Variants in FMN1 observed in about 807,000 individuals in gnomAD.
The protein encoded by FMN1 is formin-1.
In FMN1, 110 loss-of-function variants were observed where a neutral mutation model predicts 132.4. The ratio of observed to expected loss-of-function variants is 0.83; its 90% CI spans 0.71 to 0.97. The LOEUF (loss-of-function observed/expected upper bound fraction) is 0.97, where lower values mean the gene tolerates loss of function less well. FMN1 is among the 50% of genes least tolerant of loss of function. The pLI is 0.00. For synonymous variants in FMN1, 722 were observed against 651.7 expected, an observed-to-expected ratio of 1.11 and a Z score of -1.64; for missense variants, 1,792 against 1,705.3, an observed-to-expected ratio of 1.05 and a Z score of -0.90.
In FMN1 at chr15:32,900,123, G is replaced by A; in HGVS notation, c.3510C>T (p.Asp1170=). Residue 1170 remains aspartate, a splice_region_variant and synonymous_variant, in exon 14 of 21, where the codon GAC becomes GAT. Transcript: ENST00000616417. ...KVEIITRASK[D]LLHVKSVKDI... is the part of the protein sequence containing the mutation. ...CCTTCACGCTCTTCACGTGCAGCAA[G>A]TCCTGTGATGGCAAACACCAGTTAT... 3 of 1,613,680 alleles carry A rather than the reference G, an allele frequency of 1.9e-6. No homozygotes were observed. The highest frequency in any genetic ancestry group is 2.5e-6 in the Non-Finnish European group (3 of 1,179,858).
intron 7 of FMN1, among the ~76,000 whole-genome samples, chr15:32,995,945 A>T (rs2033743285): frequency 6.6e-6 from 1 of 152,228 alleles, no homozygotes; most frequent in African/African-American, 2.4e-5. Context: ...CTCATTGGAG[A>T]ATTAGATATA....
intron 17 of FMN1, among the ~76,000 whole-genome samples, chr15:32,823,167 T>TTTG (rs1567224910): frequency 1.3e-4 from 9 of 68,824 alleles, no homozygotes; most frequent in Admixed American, 1.1e-3. Context: ...TTTTTTTTTT[T>TTTG]TTTTTTTTTT....
At chr15:32,830,834 G>A (rs2058482977) in intron 17 of FMN1, among the ~76,000 whole-genome samples, 1 of 152,132 alleles carries the variant, frequency 6.6e-6, no homozygotes, top group Non-Finnish European at 1.5e-5. Flanking sequence ...GGAGCAGCGA[G>A]GGCCCTGGGG....
intron 5 of FMN1, among the ~76,000 whole-genome samples, chr15:33,071,277 CA>C (rs1322153111): frequency 6.6e-6 from 1 of 152,168 alleles, no homozygotes; most frequent in East Asian, 1.9e-4. Context: ...AAAGAAAAAT[CA>C]AGCAAAAATT....
chr15:32,808,000 T>C (rs1352995696), intron 17 of FMN1, among the ~76,000 whole-genome samples: 5 of 152,128 alleles, frequency 3.3e-5, no homozygotes, highest in Admixed American at 2.6e-4. Flanking sequence ...AAAACACAAA[T>C]ACATGACCTG....
At chr15:32,959,488 G>T in intron 9 of FMN1, among the ~76,000 whole-genome samples, 1 of 152,264 alleles carries the variant, frequency 6.6e-6, no homozygotes, top group East Asian at 1.9e-4. Context: ...AGGACACAAA[G>T]CTCACTGAAA....
At position 32,934,296 on chromosome 15, in the gene FMN1, T is replaced by C. The variant is rs1376482820; in HGVS notation, c.3139-8035A>G. ...CAAATTATATTTTTTCTATTGTGTA[T>C]CCATTAACGTATTTTTATAATTATA... On this transcript the variant is annotated intron_variant, in intron 9 of 20. Transcript: ENST00000616417. 2.6e-5 allele frequency among the ~76,000 whole-genome samples: 4 copies of C among 152,186 alleles called. No homozygotes were observed. In the East Asian group the frequency reaches 7.7e-4, roughly 29 times the overall value.
intron 17 of FMN1, among the ~76,000 whole-genome samples, chr15:32,856,454 G>A (rs924580570): frequency 6.6e-6 from 1 of 152,220 alleles, no homozygotes; most frequent in African/African-American, 2.4e-5. Flanking sequence ...CAAAGAAAGT[G>A]TGGAGTCTCA....
chr15:33,148,433 C>A (rs1964313982), intron 4 of FMN1, among the ~76,000 whole-genome samples: 2 of 152,224 alleles, frequency 1.3e-5, no homozygotes, highest in African/African-American at 4.8e-5. Flanking sequence ...CCCCATTTTT[C>A]TCAACCTGCT....
intron 10 of FMN1, among the ~76,000 whole-genome samples, chr15:32,911,789 G>A (rs1440023890): frequency 1.3e-5 from 2 of 152,068 alleles, no homozygotes; most frequent in African/African-American, 4.8e-5. Context: ...AGTCACCTCA[G>A]ATTCCACCAA....
At chr15:33,133,289 T>C (rs1216957083) in intron 4 of FMN1, among the ~76,000 whole-genome samples, 1 of 152,210 alleles carries the variant, frequency 6.6e-6, no homozygotes, top group East Asian at 1.9e-4. Flanking sequence ...ACTTGGTCTC[T>C]AGTCCCAGTT....
At chr15:33,015,694 CAT>C (rs563567075) in intron 6 of FMN1, among the ~76,000 whole-genome samples, 3 of 137,570 alleles carry the variant, frequency 2.2e-5, no homozygotes, top group Non-Finnish European at 4.8e-5. Context: ...TTTTCAAGTA[CAT>C]ATGTGACTTA....
intron 5 of FMN1, among the ~76,000 whole-genome samples, chr15:33,069,228 A>G (rs2037889295): frequency 6.6e-6 from 1 of 152,214 alleles, no homozygotes; most frequent in African/African-American, 2.4e-5. Flanking sequence ...AACTGGCAAC[A>G]AAGGATGGGG....
intron 6 of FMN1, among the ~76,000 whole-genome samples, chr15:33,023,741 AAT>A (rs1302566853): frequency 2.6e-5 from 4 of 152,204 alleles, no homozygotes; most frequent in Non-Finnish European, 4.4e-5. Flanking sequence ...AATACCAAAA[AAT>A]AGAGTACAAA....
intron 9 of FMN1, among the ~76,000 whole-genome samples, chr15:32,955,307 G>A (rs2061740136): frequency 6.6e-6 from 1 of 152,216 alleles, no homozygotes; most frequent in African/African-American, 2.4e-5. Context: ...GAGGGCATGT[G>A]CAGGGGCTGT....
chr15:33,067,390 G>T lies in FMN1; in HGVS notation c.2044-2316C>A, dbSNP rs746467949. Reference sequence around the variant, plus strand: ...ATAAAACACCACTAGGGGACTTTGGGCCATTGGTGCTGCTTCCCTCCTCTG... The same window carrying T: ...ATAAAACACCACTAGGGGACTTTGGTCCATTGGTGCTGCTTCCCTCCTCTG... On this transcript the variant is annotated intron_variant, in intron 5 of 20. Transcript: ENST00000616417. 1.9e-6 allele frequency: 3 copies of T among 1,613,966 alleles called. No homozygotes were observed. In the South Asian group the frequency reaches 3.3e-5, roughly 18 times the overall value.
intron 16 of FMN1, among the ~76,000 whole-genome samples, chr15:32,885,851 C>T (rs192094323): frequency 2.0e-3 from 297 of 151,636 alleles, no homozygotes; most frequent in African/African-American, 6.9e-3. Flanking sequence ...AGATCTAGGG[C>T]CTGATACTTC....
In FMN1 at chr15:32,842,511, G is replaced by A. The variant is rs201637134; in HGVS notation, c.3928+14504C>T. 1.9e-4 allele frequency among the ~76,000 whole-genome samples: 29 copies of A among 152,238 alleles called. No individual in the cohort carries two copies. The East Asian group carries it at 5.4e-3, about 28-fold the overall frequency. ...GCACTGTGGATTCCTATTACCAATC[G>A]GCTATAATTATAAAATATCCACTGG... On this transcript the variant is annotated intron_variant, in intron 17 of 20. Coordinates refer to ENST00000616417, the MANE Select transcript of FMN1 (RefSeq NM_001277313.2).
chr15:33,146,501 T>C (rs761401087), intron 4 of FMN1, among the ~76,000 whole-genome samples: 3 of 148,824 alleles, frequency 2.0e-5, no homozygotes, highest in Non-Finnish European at 4.4e-5. Context: ...TCAAGTTCTT[T>C]CCTATAAGGC....
Sources: allele counts gnomAD v4.1 joint callset (sites outside exome capture counted in the v4.1 genomes callset), GRCh38; gene constraint gnomAD v4.1.1; transcripts MANE v1.5; gene names NCBI Gene and HGNC (gene_info 2026-07-23, HGNC 2026-07-21).